Variants in KCNIP4 observed in about 807,000 individuals in gnomAD.
KCNIP4 encodes the protein Kv channel-interacting protein 4.
In KCNIP4, 12 loss-of-function variants were observed where a neutral mutation model predicts 34.0. The observed-to-expected ratio is 0.35, with a 90% confidence interval of 0.23 to 0.57. The LOEUF is 0.57. KCNIP4 is among the 20% of genes least tolerant of loss of function. KCNIP4 has a pLI of 0.83. For missense variants in KCNIP4, 238 were observed against 311.7 expected, an observed-to-expected ratio of 0.76 and a Z score of 1.78; for synonymous variants, 124 against 102.2, an observed-to-expected ratio of 1.21 and a Z score of -1.29.
chr4:21,349,917 T>A (rs1717842068), intron 1 of KCNIP4, among the ~76,000 whole-genome samples: 1 of 152,160 alleles, frequency 6.6e-6, no homozygotes, highest in African/African-American at 2.4e-5. Context: ...CAAACTTATG[T>A]TTCTGTGCTG....
intron 1 of KCNIP4, among the ~76,000 whole-genome samples, chr4:21,247,678 T>C (rs1437739734): frequency 1.4e-5 from 2 of 139,896 alleles, no homozygotes; most frequent in Admixed American, 1.5e-4. Context: ...TATCTATATA[T>C]AGATATATTT....
chr4:21,767,663 A>G (rs994381413), intron 1 of KCNIP4, among the ~76,000 whole-genome samples: 5 of 152,114 alleles, frequency 3.3e-5, no homozygotes, highest in African/African-American at 1.2e-4. Flanking sequence ...AAAAAATTAC[A>G]TATCCTGAAA....
intron 5 of KCNIP4, among the ~76,000 whole-genome samples, chr4:20,739,359 C>G (rs1160268157): frequency 1.3e-5 from 2 of 152,118 alleles, no homozygotes; most frequent in African/African-American, 2.4e-5. Flanking sequence ...CCTCATACAG[C>G]CAGGTGCCCC....
intron 1 of KCNIP4, among the ~76,000 whole-genome samples, chr4:21,134,251 T>C (rs1751325836): frequency 1.3e-5 from 2 of 152,180 alleles, no homozygotes; most frequent in Admixed American, 1.3e-4. Context: ...AATATGAAGA[T>C]GACGAAGATG....
intron 1 of KCNIP4, among the ~76,000 whole-genome samples, chr4:21,473,392 A>G (rs1191907477): frequency 6.6e-6 from 1 of 152,174 alleles, no homozygotes; most frequent in Non-Finnish European, 1.5e-5. Flanking sequence ...CTAATAATAA[A>G]AACAGCATAG....
chr4:21,580,034 A>G (rs1402624829), intron 1 of KCNIP4, among the ~76,000 whole-genome samples: 2 of 152,136 alleles, frequency 1.3e-5, no homozygotes, highest in African/African-American at 4.8e-5. Flanking sequence ...AGGTGCCCAA[A>G]TATGTGTTGA....
chr4:21,835,144 T>C (rs1303849004), intron 1 of KCNIP4, among the ~76,000 whole-genome samples: 2 of 152,074 alleles, frequency 1.3e-5, no homozygotes, highest in Non-Finnish European at 2.9e-5. Flanking sequence ...TCACCCTACC[T>C]TACAGTAGGG....
rs147000567 is a variant in KCNIP4, at chr4:21,856,975, C to T, written c.61+91596G>A. On this transcript the variant is annotated intron_variant, in intron 1 of 8. Coordinates refer to ENST00000382152, the MANE Select transcript of KCNIP4 (RefSeq NM_025221.6). ...GAGGCCAAGGGCAGCTCAGAGCTGG[C>T]CTGCTGGCACCACTCAGCACAAACA... 6.4e-4 allele frequency among the ~76,000 whole-genome samples: 98 copies of T among 152,230 alleles called. No homozygotes were observed. The Middle Eastern group carries it at 0.024, about 37-fold the overall frequency.
chr4:21,223,313 A>G (rs1168407616), intron 1 of KCNIP4, among the ~76,000 whole-genome samples: 1 of 152,190 alleles, frequency 6.6e-6, no homozygotes, highest in Non-Finnish European at 1.5e-5. Context: ...GAATCTGGAA[A>G]AGATAAGGAC....
At chr4:21,049,706 T>C (rs1742763367) in intron 1 of KCNIP4, among the ~76,000 whole-genome samples, 2 of 152,206 alleles carry the variant, frequency 1.3e-5, no homozygotes, top group South Asian at 4.1e-4. Flanking sequence ...TGCTGTAATC[T>C]GTACAAGGAT....
intron 1 of KCNIP4, among the ~76,000 whole-genome samples, chr4:21,279,510 CAT>C (rs1762646214): frequency 7.1e-6 from 1 of 140,706 alleles, no homozygotes; most frequent in African/African-American, 2.5e-5. Flanking sequence ...TACATACATA[CAT>C]ATACACACAC....
intron 1 of KCNIP4, among the ~76,000 whole-genome samples, chr4:21,346,350 T>C (rs1023713598): frequency 7.4e-6 from 1 of 135,526 alleles, no homozygotes; most frequent in South Asian, 2.2e-4. Flanking sequence ...TATAATAGCC[T>C]TGTAGCCAAG....
chr4:21,427,508 G>T (rs1274575110), intron 1 of KCNIP4, among the ~76,000 whole-genome samples: 1 of 152,116 alleles, frequency 6.6e-6, no homozygotes, highest in Non-Finnish European at 1.5e-5. Context: ...CAGAGGTAGG[G>T]TACAGTAGTG....
intron 3 of KCNIP4, among the ~76,000 whole-genome samples, chr4:20,847,308 TATG>T (rs1243400662): frequency 6.6e-6 from 1 of 152,158 alleles, no homozygotes; most frequent in Non-Finnish European, 1.5e-5. Flanking sequence ...CACCGAAGCT[TATG>T]ATAACTGCAC....
intron 1 of KCNIP4, among the ~76,000 whole-genome samples, chr4:21,366,275 A>G (rs1490205591): frequency 6.6e-6 from 1 of 152,126 alleles, no homozygotes; most frequent in African/African-American, 2.4e-5. Context: ...TTAAAAAAAT[A>G]AAAAAAACAT....
chr4:21,286,908 C>T (rs1028995676), intron 1 of KCNIP4, among the ~76,000 whole-genome samples: 4 of 152,056 alleles, frequency 2.6e-5, no homozygotes, highest in Non-Finnish European at 4.4e-5. Flanking sequence ...TACATCAACT[C>T]GGAAATGTAA....
intron 1 of KCNIP4, among the ~76,000 whole-genome samples, chr4:21,835,579 GTT>G (rs34020521): frequency 1.6e-4 from 17 of 106,092 alleles, no homozygotes; most frequent in African/African-American, 4.6e-4. Context: ...GTTTTCTTAC[GTT>G]TTTTTTTGTT....
intron 1 of KCNIP4, among the ~76,000 whole-genome samples, chr4:21,094,038 C>T (rs186289495): frequency 2.6e-5 from 4 of 151,796 alleles, no homozygotes; most frequent in African/African-American, 4.8e-5. Flanking sequence ...GCCAAGATCA[C>T]GCCACTGTAC....
In KCNIP4 at chr4:20,837,686, ATT is replaced by A. The variant is rs1318687393; in HGVS notation, c.288+12855_288+12856del. ...GCTATATATATATATATATATATATATTTTTTTTTCCTTGGAGATGGAGTCTC... is the reference window on the plus strand; with the variant it reads ...GCTATATATATATATATATATATATATTTTTTTCCTTGGAGATGGAGTCTC... On this transcript the variant is annotated intron_variant, in intron 3 of 8. Coordinates refer to ENST00000382152, the MANE Select transcript of KCNIP4 (RefSeq NM_025221.6). Among the ~76,000 whole-genome samples the A allele has an allele frequency of 1.5e-3, 173 of 117,396 alleles. 3 individuals carry two copies. The highest frequency in any genetic ancestry group is 2.4e-3 in the African/African-American group (71 of 29,880). 77.0% of individuals were successfully genotyped at this position (117,396 alleles called of 152,430 possible).
Sources: gnomAD v4.1 joint callset for allele counts (sites outside exome capture counted in the v4.1 genomes callset) on GRCh38, gnomAD v4.1.1 for gene constraint, MANE v1.5 for transcripts, NCBI Gene and HGNC (gene_info 2026-07-23, HGNC 2026-07-21) for gene names.